SPAG16: variants seen among roughly 807,000 people sequenced by gnomAD.
SPAG16 encodes the protein sperm associated antigen 16.
In SPAG16, 86 loss-of-function variants were observed where a neutral mutation model predicts 80.4. The observed-to-expected ratio is 1.07, with a 90% CI of 0.90 to 1.28. SPAG16 has a LOEUF of 1.28. Among genes scored for constraint, SPAG16 ranks in the 50% most tolerant of loss-of-function variants. SPAG16 has a pLI of 0.00. For synonymous variants in SPAG16, 294 were observed against 265.9 expected (o/e 1.11, Z -1.03); for missense variants, 870 against 765.3 (o/e 1.14, Z -1.61).
At chr2:213,991,972 G>C (rs904250058) in intron 12 of SPAG16, among the ~76,000 whole-genome samples, 2 of 151,900 alleles carry the variant, frequency 1.3e-5, no homozygotes, top group South Asian at 4.2e-4. Flanking sequence ...TGCGAGTAGG[G>C]CAGTCCTGCA....
chr2:214,181,117 C>A (rs189748506), intron 15 of SPAG16, among the ~76,000 whole-genome samples: 316 of 151,822 alleles, frequency 2.1e-3, no homozygotes, highest in African/African-American at 7.3e-3. Flanking sequence ...ATAAATATTG[C>A]TTGAAAGGCA....
rs2050362318 is a variant in SPAG16 at position 214,063,136 on chromosome 2, A to C, written c.1528-45060A>C. 2.0e-5 allele frequency among the ~76,000 whole-genome samples: 3 copies of C among 152,174 alleles called. No homozygotes were observed. In the South Asian group the frequency reaches 6.2e-4, roughly 32 times the overall value. ...AAAATCAGAAATGTATGTTATACTA[A>C]TAGCACATCTTAAATTGGTTTAGCT... On this transcript the variant is annotated intron_variant, in intron 13 of 15. Transcript: ENST00000331683.
At chr2:213,962,212 G>C (rs1442967409) in intron 12 of SPAG16, among the ~76,000 whole-genome samples, 1 of 121,992 alleles carries the variant, frequency 8.2e-6, no homozygotes, top group Admixed American at 8.5e-5. Context: ...TTTTTTTTTT[G>C]AGATGGAGTC....
intron 10 of SPAG16, among the ~76,000 whole-genome samples, chr2:213,555,028 A>T (rs1256637955): frequency 6.6e-6 from 1 of 152,088 alleles, no homozygotes; most frequent in Non-Finnish European, 1.5e-5. Context: ...TCCAAAAAAG[A>T]CTACACCAAG....
At chr2:214,041,337 A>G (rs2048995559) in intron 13 of SPAG16, among the ~76,000 whole-genome samples, 1 of 151,800 alleles carries the variant, frequency 6.6e-6, no homozygotes, top group Non-Finnish European at 1.5e-5. Flanking sequence ...GGAGGATTGT[A>G]TCAGCTGAAT....
intron 7 of SPAG16, among the ~76,000 whole-genome samples, chr2:213,362,068 G>A (rs1366799126): frequency 6.6e-6 from 1 of 152,050 alleles, no homozygotes; most frequent in African/African-American, 2.4e-5. Flanking sequence ...TTGTCCAGTT[G>A]CCCAGATGTT....
In SPAG16 at chr2:213,768,185, G is replaced by A. The variant is rs998647491; in HGVS notation, c.1071-94300G>A. Reference sequence around the variant, plus strand: ...TGGGGTCTAAACAGATTTTAATATGGTTTGAGCATAAAGTATTGGGGGTAA... The same window carrying A: ...TGGGGTCTAAACAGATTTTAATATGATTTGAGCATAAAGTATTGGGGGTAA... On this transcript the variant is annotated intron_variant, in intron 10 of 15. Coordinates refer to ENST00000331683, the MANE Select transcript of SPAG16 (RefSeq NM_024532.5). Among the ~76,000 whole-genome samples the A allele has an allele frequency of 5.3e-5, 8 of 152,228 alleles. No homozygotes were observed. In the East Asian group the frequency reaches 9.6e-4, roughly 18 times the overall value.
At chr2:214,269,996 CT>C (rs1691877585) in intron 15 of SPAG16, among the ~76,000 whole-genome samples, 1 of 152,102 alleles carries the variant, frequency 6.6e-6, no homozygotes, top group African/African-American at 2.4e-5. Flanking sequence ...AAGAGAATGT[CT>C]TTTGACTTTT....
chr2:213,814,224 A>T (rs986210426), intron 10 of SPAG16, among the ~76,000 whole-genome samples: 2 of 152,208 alleles, frequency 1.3e-5, no homozygotes, highest in African/African-American at 4.8e-5. Context: ...CTAATTCTGC[A>T]GTGTTGAGGA....
At chr2:214,363,034 C>T (rs1233701755) in intron 15 of SPAG16, among the ~76,000 whole-genome samples, 1 of 151,748 alleles carries the variant, frequency 6.6e-6, no homozygotes, top group Non-Finnish European at 1.5e-5. Context: ...TCTTCTTTTG[C>T]ACTGCAGGGT....
intron 10 of SPAG16, among the ~76,000 whole-genome samples, chr2:213,553,693 A>G (rs116621960): frequency 0.011 from 1,749 of 152,256 alleles, 27 homozygotes; most frequent in African/African-American, 0.039. Context: ...TGTGACTACA[A>G]TAGGCGTGAT....
At chr2:214,140,646 A>G (rs2055303659) in intron 14 of SPAG16, among the ~76,000 whole-genome samples, 1 of 152,042 alleles carries the variant, frequency 6.6e-6, no homozygotes, top group South Asian at 2.1e-4. Flanking sequence ...TTTATTAGTT[A>G]TACCTTGTGG....
chr2:213,515,073 T>C (rs1027912047), intron 10 of SPAG16, among the ~76,000 whole-genome samples: 1 of 152,184 alleles, frequency 6.6e-6, no homozygotes, highest in African/African-American at 2.4e-5. Flanking sequence ...TGTCAGGTGT[T>C]ATGCGTCTTA....
intron 10 of SPAG16, among the ~76,000 whole-genome samples, chr2:213,757,256 C>T (rs373432272): frequency 6.6e-6 from 1 of 151,646 alleles, no homozygotes; most frequent in Non-Finnish European, 1.5e-5. Context: ...AATTAGATGA[C>T]TTAATATTGT....
chr2:214,126,998 A>G (rs2054527906), intron 14 of SPAG16, among the ~76,000 whole-genome samples: 1 of 151,876 alleles, frequency 6.6e-6, no homozygotes, highest in Non-Finnish European at 1.5e-5. Context: ...AACTGAATTC[A>G]GTAGATAAAA....
At chr2:213,446,275 T>C (rs920558703) in intron 9 of SPAG16, among the ~76,000 whole-genome samples, 4 of 152,136 alleles carry the variant, frequency 2.6e-5, no homozygotes, top group Admixed American at 2.0e-4. Context: ...CAGACATTGG[T>C]TCAGAATCTG....
At chr2:213,670,163 T>G (rs184553020) in intron 10 of SPAG16, among the ~76,000 whole-genome samples, 1 of 151,692 alleles carries the variant, frequency 6.6e-6, no homozygotes, top group Non-Finnish European at 1.5e-5. Flanking sequence ...CCCAGCTAAT[T>G]TTTTTTGTAT....
chr2:214,314,958 T>C (rs77006316), intron 15 of SPAG16, among the ~76,000 whole-genome samples: 2 of 141,148 alleles, frequency 1.4e-5, no homozygotes, highest in East Asian at 4.5e-4. Context: ...TGATACTGTA[T>C]TAAAAAAAAA....
At chr2:213,285,773 A>G in intron 1 of SPAG16, 1 of 586,216 alleles carries the variant, frequency 1.7e-6, no homozygotes, top group Admixed American at 3.5e-5. Flanking sequence ...TGAAAGAAAT[A>G]TATGGGTGCT....
Sources: allele counts gnomAD v4.1 joint callset (sites outside exome capture counted in the v4.1 genomes callset), GRCh38; gene constraint gnomAD v4.1.1; transcripts MANE v1.5; gene names NCBI Gene and HGNC (gene_info 2026-07-23, HGNC 2026-07-21).